NLGN1: variants seen among roughly 807,000 people sequenced by gnomAD.
NLGN1 encodes the protein neuroligin 1.
A neutral mutation model predicts 65.5 loss-of-function variants in NLGN1; 12 were observed. The ratio of observed to expected loss-of-function variants is 0.18; its 90% CI spans 0.12 to 0.30. The LOEUF is 0.30. Ranked by LOEUF, NLGN1 falls within the 10% of genes least tolerant of loss-of-function variation. The pLI is 1.00. For missense variants in NLGN1, 750 were observed against 1,007.1 expected (o/e 0.74, Z 3.46); for synonymous variants, 350 against 359.5 (o/e 0.97, Z 0.30).
chr3:173,961,631 C>G (rs1049198791), intron 4 of NLGN1, among the ~76,000 whole-genome samples: 1 of 151,976 alleles, frequency 6.6e-6, no homozygotes, highest in African/African-American at 2.4e-5. Flanking sequence ...TCTGTGTAAT[C>G]TTAAAGAAAA....
At chr3:173,726,667 CAT>C (rs1167536493) in intron 3 of NLGN1, among the ~76,000 whole-genome samples, 4 of 152,040 alleles carry the variant, frequency 2.6e-5, no homozygotes, top group African/African-American at 4.8e-5. Flanking sequence ...AGGAATAACA[CAT>C]GTTTTTCTTC....
At chr3:173,622,004 A>G (rs1471977392) in intron 3 of NLGN1, among the ~76,000 whole-genome samples, 1 of 152,096 alleles carries the variant, frequency 6.6e-6, no homozygotes, top group South Asian at 2.1e-4. Context: ...GCACTGAAAA[A>G]TCCTCCTTTC....
chr3:174,073,528 A>T (rs1374865762), intron 4 of NLGN1, among the ~76,000 whole-genome samples: 3 of 152,148 alleles, frequency 2.0e-5, no homozygotes, highest in Non-Finnish European at 2.9e-5. Flanking sequence ...ACTCTTTTGG[A>T]TGAAGACACT....
intron 2 of NLGN1, among the ~76,000 whole-genome samples, chr3:173,601,509 T>C (rs184180074): frequency 8.2e-4 from 125 of 152,166 alleles, no homozygotes; most frequent in Non-Finnish European, 1.0e-3. Context: ...TAGTATTTGC[T>C]GTACCTAATT....
chr3:173,432,875 A>C (rs2148752513), intron 1 of NLGN1, among the ~76,000 whole-genome samples: 1 of 152,168 alleles, frequency 6.6e-6, no homozygotes, highest in East Asian at 1.9e-4. Context: ...TAAATCCAAG[A>C]TTTGGGTGCT....
At chr3:173,687,640 A>G (rs1302533318) in intron 3 of NLGN1, among the ~76,000 whole-genome samples, 2 of 152,246 alleles carry the variant, frequency 1.3e-5, no homozygotes, top group African/African-American at 4.8e-5. Context: ...AAATGTTTAA[A>G]TATTGATATG....
intron 4 of NLGN1, among the ~76,000 whole-genome samples, chr3:174,047,621 A>G (rs1185359080): frequency 1.3e-5 from 2 of 152,066 alleles, no homozygotes; most frequent in Non-Finnish European, 2.9e-5. Context: ...GCATATAAGC[A>G]GGCACACACA....
intron 3 of NLGN1, among the ~76,000 whole-genome samples, chr3:173,750,853 G>A (rs1015519543): frequency 1.4e-4 from 22 of 151,964 alleles, no homozygotes; most frequent in Non-Finnish European, 1.0e-4. Context: ...ATTCAAAGCC[G>A]AAAAAGTTCT....
chr3:173,591,477 T>C (rs1748474555), intron 2 of NLGN1, among the ~76,000 whole-genome samples: 1 of 152,176 alleles, frequency 6.6e-6, no homozygotes, highest in African/African-American at 2.4e-5. Flanking sequence ...GTCCAGTTCC[T>C]AGTAGACAGC....
At chr3:173,567,309 T>C (rs1251677820) in intron 2 of NLGN1, among the ~76,000 whole-genome samples, 2 of 152,090 alleles carry the variant, frequency 1.3e-5, no homozygotes, top group Non-Finnish European at 2.9e-5. Context: ...GTATGACTAA[T>C]ACATACATTT....
intron 2 of NLGN1, among the ~76,000 whole-genome samples, chr3:173,530,269 CTG>C (rs1736349320): frequency 6.6e-6 from 1 of 152,178 alleles, no homozygotes; most frequent in South Asian, 2.1e-4. Context: ...GGGGCACTTT[CTG>C]TGTGCCTAGT....
At chr3:173,627,102 G>A (rs1560073248) in intron 3 of NLGN1, among the ~76,000 whole-genome samples, 2 of 151,848 alleles carry the variant, frequency 1.3e-5, no homozygotes, top group South Asian at 2.1e-4. Context: ...TCTACCATGG[G>A]TTTTTTGTTT....
At chr3:173,973,238 C>T (rs769423895) in intron 4 of NLGN1, among the ~76,000 whole-genome samples, 3 of 152,034 alleles carry the variant, frequency 2.0e-5, no homozygotes, top group Non-Finnish European at 4.4e-5. Context: ...TCTAAGTATA[C>T]ATATAAGAAA....
intron 4 of NLGN1, among the ~76,000 whole-genome samples, chr3:173,913,676 A>G (rs1740120344): frequency 6.6e-6 from 1 of 152,158 alleles, no homozygotes; most frequent in Non-Finnish European, 1.5e-5. Flanking sequence ...ATTTCACTTC[A>G]TGCAAAAAGT....
intron 1 of NLGN1, among the ~76,000 whole-genome samples, chr3:173,420,657 G>A (rs551051006): frequency 3.9e-5 from 6 of 152,122 alleles, no homozygotes; most frequent in South Asian, 4.1e-4. Context: ...TTGCCACACC[G>A]ACTTCCACAA....
At chr3:174,205,503 A>G (rs1167463736) in intron 4 of NLGN1, among the ~76,000 whole-genome samples, 1 of 152,042 alleles carries the variant, frequency 6.6e-6, no homozygotes, top group Non-Finnish European at 1.5e-5. Flanking sequence ...TTATGGTAGT[A>G]ATTTTTAAGG....
intron 4 of NLGN1, among the ~76,000 whole-genome samples, chr3:174,147,578 C>T (rs1723572542): frequency 6.6e-6 from 1 of 151,480 alleles, no homozygotes; most frequent in Non-Finnish European, 1.5e-5. Context: ...GGATTACAGG[C>T]GGCTGCCACC....
At chr3:173,674,918 C>A (rs1762917326) in intron 3 of NLGN1, among the ~76,000 whole-genome samples, 1 of 151,730 alleles carries the variant, frequency 6.6e-6, no homozygotes, top group Non-Finnish European at 1.5e-5. Flanking sequence ...ATATTTTTAT[C>A]ATTATAAAAA....
rs77474549 is a variant in NLGN1, at chr3:173,998,574, G to A, written c.646+190742G>A. Among the ~76,000 whole-genome samples, 280 of 152,248 alleles carry A rather than the reference G, an allele frequency of 1.8e-3. 6 individuals carry two copies. In the East Asian group the frequency reaches 0.043, roughly 24 times the overall value. ...CTTTCATCTCTTCCTTGCCCACTAG[G>A]AATTTAATTGCCTAGAATTCAGTTG... On this transcript the variant is annotated intron_variant, in intron 4 of 6. Coordinates refer to ENST00000457714, the Ensembl canonical transcript of NLGN1.
Sources: allele counts gnomAD v4.1 joint callset (sites outside exome capture counted in the v4.1 genomes callset), GRCh38; gene constraint gnomAD v4.1.1; transcripts MANE v1.5; gene names NCBI Gene and HGNC (gene_info 2026-07-23, HGNC 2026-07-21).